The following XNDC1N variants were observed in gnomAD, a reference collection of about 807,000 sequenced individuals.
XNDC1N encodes the protein protein XNDC1N.
the XNDC1N span, among the ~76,000 whole-genome samples, chr11:71,870,120 C>G: frequency 6.6e-6 from 1 of 152,260 alleles, no homozygotes; most frequent in Admixed American, 6.5e-5. Context: ...AGAGCTCACT[C>G]ACTGGGGAAG....
At chr11:71,892,716 T>G in the XNDC1N span, among the ~76,000 whole-genome samples, 1 of 152,098 alleles carries the variant, frequency 6.6e-6, no homozygotes, top group Non-Finnish European at 1.5e-5. Context: ...AGACGGGGTT[T>G]CACCAGGTTG....
chr11:71,879,861 C>T, the XNDC1N span, among the ~76,000 whole-genome samples: 1 of 152,034 alleles, frequency 6.6e-6, no homozygotes, highest in East Asian at 1.9e-4. Flanking sequence ...TCATGTCTGC[C>T]TTCTTTCATT....
At chr11:71,878,547 A>C in the XNDC1N span, 2 of 1,594,842 alleles carry the variant, frequency 1.3e-6, no homozygotes, top group South Asian at 2.3e-5. Context: ...AGTTCTAAAA[A>C]TATAAGTAAA....
the XNDC1N span, among the ~76,000 whole-genome samples, chr11:71,905,901 C>T: frequency 5.3e-5 from 8 of 152,142 alleles, no homozygotes; most frequent in South Asian, 1.4e-3. Flanking sequence ...AAAGTAATAT[C>T]TCTCTATCAG....
chr11:71,885,152 C>T, the XNDC1N span, among the ~76,000 whole-genome samples: 3 of 150,930 alleles, frequency 2.0e-5, no homozygotes, highest in Admixed American at 6.6e-5. Flanking sequence ...ATATCATCTT[C>T]TTCCTCCCTG....
the XNDC1N span, chr11:71,928,496 G>T: frequency 1.4e-6 from 1 of 702,594 alleles, no homozygotes; most frequent in South Asian, 1.5e-5. Context: ...CCGTAGCACA[G>T]GAATGCGTTC....
the XNDC1N span, among the ~76,000 whole-genome samples, chr11:71,892,724 T>G: frequency 6.6e-6 from 1 of 152,168 alleles, no homozygotes; most frequent in South Asian, 2.1e-4. Context: ...TTTCACCAGG[T>G]TGGTCAGGCT....
chr11:71,883,605 C>T, the XNDC1N span, among the ~76,000 whole-genome samples: 2 of 152,258 alleles, frequency 1.3e-5, no homozygotes, highest in African/African-American at 4.8e-5. Context: ...ATGAACTACA[C>T]ATTTAAACAT....
At chr11:71,889,130 C>T in the XNDC1N span, among the ~76,000 whole-genome samples, 1 of 152,174 alleles carries the variant, frequency 6.6e-6, no homozygotes. Flanking sequence ...TTCATTCGGG[C>T]CTTAGAACTC....
the XNDC1N span, among the ~76,000 whole-genome samples, chr11:71,888,409 G>C: frequency 6.6e-6 from 1 of 152,194 alleles, no homozygotes; most frequent in Non-Finnish European, 1.5e-5. Flanking sequence ...CACCAAGGGG[G>C]CGGGGACCGG....
the XNDC1N span, chr11:71,916,384 G>C: frequency 1.6e-6 from 1 of 614,202 alleles, no homozygotes; most frequent in Non-Finnish European, 2.9e-6. Flanking sequence ...GAGGTCTTCA[G>C]TAAATGTCCC....
At chr11:71,916,097 G>A in the XNDC1N span, 3 of 702,974 alleles carry the variant, frequency 4.3e-6, no homozygotes, top group East Asian at 5.4e-5. Flanking sequence ...GAGCTCAGAA[G>A]GGCTGAGGGA....
At chr11:71,897,323 C>G in the XNDC1N span, among the ~76,000 whole-genome samples, 1 of 152,180 alleles carries the variant, frequency 6.6e-6, no homozygotes, top group African/African-American at 2.4e-5. Context: ...ATTTGCAAAG[C>G]ATATATCTGA....
the XNDC1N span, among the ~76,000 whole-genome samples, chr11:71,877,447 G>A: frequency 6.6e-6 from 1 of 152,202 alleles, no homozygotes; most frequent in Non-Finnish European, 1.5e-5. Flanking sequence ...AGACCAGCCT[G>A]GCCAACATGG....
At chr11:71,920,053 G>C in the XNDC1N span, among the ~76,000 whole-genome samples, 1 of 139,576 alleles carries the variant, frequency 7.2e-6, no homozygotes, top group Admixed American at 7.5e-5. Context: ...CGCCTCCCGG[G>C]TTCATGCCAT....
chr11:71,895,475 A>ATTTTTTTTTTTTT, the XNDC1N span, among the ~76,000 whole-genome samples: 12 of 98,362 alleles, frequency 1.2e-4, no homozygotes, highest in South Asian at 3.7e-4. Flanking sequence ...ATGCCTGGCT[A>ATTTTTTTTTTTTT]TTTTTTTTTT....
the XNDC1N span, chr11:71,915,990 T>C: frequency 3.0e-6 from 2 of 659,780 alleles, no homozygotes; most frequent in Admixed American, 2.2e-5. Flanking sequence ...TGTGTGTCTA[T>C]GTCTCAAACA....
chr11:71,910,430 C>T, the XNDC1N span, among the ~76,000 whole-genome samples: 6 of 152,240 alleles, frequency 3.9e-5, no homozygotes, highest in South Asian at 2.1e-4. Flanking sequence ...ACACTTGGAC[C>T]GGGTTTCCCC....
At chr11:71,918,140 C>T in the XNDC1N span, among the ~76,000 whole-genome samples, 1 of 152,194 alleles carries the variant, frequency 6.6e-6, no homozygotes, top group Non-Finnish European at 1.5e-5. Flanking sequence ...CTGGACAGTT[C>T]TAAATTCCAG....
Sources: allele counts gnomAD v4.1 joint callset (sites outside exome capture counted in the v4.1 genomes callset), GRCh38; gene constraint gnomAD v4.1.1; transcripts MANE v1.5; gene names NCBI Gene and HGNC (gene_info 2026-07-23, HGNC 2026-07-21).